Variants in GLI3 observed in about 807,000 individuals in gnomAD.
GLI3 encodes the protein GLI family zinc finger 3.
GLI3 carries 20 observed loss-of-function variants against 100.8 expected under a neutral mutation model. The ratio of observed to expected loss-of-function variants is 0.20; its 90% confidence interval spans 0.14 to 0.29. The LOEUF is 0.29. GLI3 is among the 10% of genes least tolerant of loss of function. The pLI, the probability that GLI3 is intolerant of heterozygous loss-of-function variation, is 1.00. For missense variants in GLI3, 2,040 were observed against 2,128.5 expected (o/e 0.96, Z 0.82); for synonymous variants, 938 against 860.5 (o/e 1.09, Z -1.58).
intron 3 of GLI3, among the ~76,000 whole-genome samples, chr7:42,135,683 C>T (rs1175888699): frequency 1.3e-5 from 2 of 152,228 alleles, no homozygotes; most frequent in East Asian, 1.9e-4. Context: ...TTAGCCTGCA[C>T]GGGCCCTGCT....
intron 10 of GLI3, among the ~76,000 whole-genome samples, chr7:42,008,188 T>C (rs1370045660): frequency 2.0e-5 from 3 of 152,180 alleles, no homozygotes; most frequent in Non-Finnish European, 4.4e-5. Flanking sequence ...CAACCTCACA[T>C]TGCAGTACAG....
chr7:42,206,934 C>T (rs1291753420), intron 2 of GLI3, among the ~76,000 whole-genome samples: 2 of 152,086 alleles, frequency 1.3e-5, no homozygotes, highest in Non-Finnish European at 2.9e-5. Flanking sequence ...ATCCAAACGG[C>T]CGATAAATAT....
chr7:42,216,692 A>G (rs1438285160), intron 2 of GLI3, among the ~76,000 whole-genome samples: 1 of 152,210 alleles, frequency 6.6e-6, no homozygotes, highest in Non-Finnish European at 1.5e-5. Context: ...AAAATAAAAA[A>G]ATCTAGTGTT....
chr7:42,257,114 T>C (rs1004701055), intron 1 of GLI3, among the ~76,000 whole-genome samples: 1 of 152,176 alleles, frequency 6.6e-6, no homozygotes, highest in Admixed American at 6.5e-5. Context: ...TTTTGATATA[T>C]TGATCTTGTA....
chr7:42,228,104 G>GT (rs1788619256), intron 1 of GLI3, among the ~76,000 whole-genome samples: 1 of 152,116 alleles, frequency 6.6e-6, no homozygotes, highest in Non-Finnish European at 1.5e-5. Flanking sequence ...GGGTTCATTA[G>GT]CGGGCGCGCC....
rs146105503 is a variant in GLI3, at chr7:42,178,578, T to C, written c.125-30110A>G. ...CAAAGAAGGGCTGCACTAGACTGAATCAGGCCCCTTCACTCATTCAGCAAA... is the reference window on the plus strand; with the variant it reads ...CAAAGAAGGGCTGCACTAGACTGAACCAGGCCCCTTCACTCATTCAGCAAA... On this transcript the variant is annotated intron_variant, in intron 2 of 14. Transcript: ENST00000395925. Among the ~76,000 whole-genome samples, 13 of 152,304 alleles carry C rather than the reference T, an allele frequency of 8.5e-5. No individual in the cohort carries two copies. In the East Asian group the frequency reaches 2.3e-3, roughly 27 times the overall value.
intron 2 of GLI3, among the ~76,000 whole-genome samples, chr7:42,163,185 T>C (rs1159043609): frequency 1.3e-5 from 2 of 151,958 alleles, no homozygotes; most frequent in African/African-American, 2.4e-5. Flanking sequence ...CCAAGAGTTA[T>C]CTATCTCTAT....
rs114454698 is a variant in GLI3 at position 42,112,163 on chromosome 7, G to C, written c.368-35306C>G. On this transcript the variant is annotated intron_variant, in intron 3 of 14. Coordinates refer to ENST00000395925, the MANE Select transcript of GLI3 (RefSeq NM_000168.6). ...ATGATAATATCATGGACTCTTTCTG[G>C]AAACCAACGCTTTTTCTCCAAATGC... 3.8e-3 allele frequency among the ~76,000 whole-genome samples: 576 copies of C among 152,236 alleles called. 2 individuals carry two copies. Among genetic ancestry groups the C allele is most frequent in the African/African-American group, 0.013 (554 of 41,520 alleles).
chr7:42,191,691 T>C (rs1285510581), intron 2 of GLI3, among the ~76,000 whole-genome samples: 1 of 151,504 alleles, frequency 6.6e-6, no homozygotes, highest in Admixed American at 6.6e-5. Context: ...TTTGAACACA[T>C]ACTAACTGCC....
At chr7:42,089,941 C>G (rs965797473) in intron 3 of GLI3, among the ~76,000 whole-genome samples, 1 of 152,116 alleles carries the variant, frequency 6.6e-6, no homozygotes, top group Admixed American at 6.5e-5. Context: ...ATGGAGTGCA[C>G]TTACACACAC....
At chr7:42,199,802 T>C (rs1788001146) in intron 2 of GLI3, among the ~76,000 whole-genome samples, 1 of 152,154 alleles carries the variant, frequency 6.6e-6, no homozygotes, top group South Asian at 2.1e-4. Flanking sequence ...ACACCTGTAA[T>C]CCCAGCACTT....
intron 3 of GLI3, among the ~76,000 whole-genome samples, chr7:42,102,908 T>C (rs1785498300): frequency 6.6e-6 from 1 of 152,188 alleles, no homozygotes; most frequent in South Asian, 2.1e-4. Context: ...TATTATAACA[T>C]ACAGCAAACT....
chr7:42,185,679 T>C (rs1195358613), intron 2 of GLI3, among the ~76,000 whole-genome samples: 2 of 152,164 alleles, frequency 1.3e-5, no homozygotes, highest in East Asian at 1.9e-4. Flanking sequence ...TGCTACAGAG[T>C]ATATGTGCAT....
At chr7:42,165,843 T>C (rs370591543) in intron 2 of GLI3, among the ~76,000 whole-genome samples, 3 of 152,232 alleles carry the variant, frequency 2.0e-5, no homozygotes, top group Middle Eastern at 3.4e-3. Flanking sequence ...GTTAAAACCA[T>C]AAAACCATAG....
intron 2 of GLI3, among the ~76,000 whole-genome samples, chr7:42,173,580 T>G (rs1461076818): frequency 2.0e-5 from 3 of 152,178 alleles, no homozygotes; most frequent in Non-Finnish European, 4.4e-5. Flanking sequence ...TTTTTTTATG[T>G]GTAACCTGAA....
chr7:42,009,879 A>G (rs1037500951), intron 10 of GLI3, among the ~76,000 whole-genome samples: 5 of 152,148 alleles, frequency 3.3e-5, no homozygotes. Flanking sequence ...ATCCCACAGC[A>G]TCCTCTCTGT....
intron 6 of GLI3, among the ~76,000 whole-genome samples, chr7:42,041,133 G>A (rs138839813): frequency 6.6e-6 from 1 of 152,318 alleles, no homozygotes; most frequent in African/African-American, 2.4e-5. Context: ...GAGGTACAAT[G>A]AACCTATAGG....
rs1243554766 is a variant in GLI3 at position 41,964,182 on chromosome 7, A to G, written c.*148T>C. 1.5e-6 allele frequency: 1 copy of G among 656,482 alleles called. No individual in the cohort carries two copies. Among genetic ancestry groups the G allele is most frequent in the Non-Finnish European group, 2.6e-6 (1 of 380,014 alleles). 40.7% of individuals were successfully genotyped at this position (656,482 alleles called of 1,614,324 possible). A position where few individuals can be genotyped will look rare whatever the true frequency, so the allele number is the denominator to read the frequency against. ...AGGGTTTTTCAGAGTCCTTTTCCAT[A>G]AAAGGAATATAATTGAAACACATCT... On this transcript the variant is annotated 3_prime_UTR_variant, in exon 15 of 15. Transcript: ENST00000395925.
At chr7:42,113,176 C>CA (rs1336533574) in intron 3 of GLI3, among the ~76,000 whole-genome samples, 6 of 151,882 alleles carry the variant, frequency 4.0e-5, no homozygotes, top group Non-Finnish European at 8.8e-5. Flanking sequence ...GACTCTGTCT[C>CA]AAAAATAAAT....
Sources: allele counts gnomAD v4.1 joint callset (sites outside exome capture counted in the v4.1 genomes callset), GRCh38; gene constraint gnomAD v4.1.1; transcripts MANE v1.5; gene names NCBI Gene and HGNC (gene_info 2026-07-23, HGNC 2026-07-21).